The following GPC5 variants were observed in gnomAD, a reference collection of about 807,000 sequenced individuals.
The protein encoded by GPC5 is glypican 5.
GPC5 carries 47 observed loss-of-function variants against 53.9 expected under a neutral mutation model. The ratio of observed to expected loss-of-function variants is 0.87; its 90% confidence interval spans 0.69 to 1.11. The LOEUF is 1.11. Among genes scored for constraint, GPC5 ranks in the 50% most tolerant of loss-of-function variants. The probability of loss-of-function intolerance (pLI) is 0.00; values close to 1 mark genes in which losing one functional copy is unlikely to be tolerated. For missense variants in GPC5, 748 were observed against 713.1 expected (o/e 1.05, Z -0.56); for synonymous variants, 286 against 263.3 (o/e 1.09, Z -0.84).
intron 2 of GPC5, among the ~76,000 whole-genome samples, chr13:91,625,824 G>A (rs1301599004): frequency 6.6e-6 from 1 of 152,036 alleles, no homozygotes; most frequent in Non-Finnish European, 1.5e-5. Context: ...ATTGAAAATA[G>A]TAACATATTG....
intron 6 of GPC5, among the ~76,000 whole-genome samples, chr13:92,008,156 G>T (rs2040625638): frequency 6.8e-6 from 1 of 146,208 alleles, no homozygotes; most frequent in African/African-American, 2.5e-5. Context: ...TCCGCCTCCC[G>T]GGTTCACGCC....
At chr13:92,577,144 A>T (rs1883212136) in intron 7 of GPC5, among the ~76,000 whole-genome samples, 1 of 152,124 alleles carries the variant, frequency 6.6e-6, no homozygotes, top group South Asian at 2.1e-4. Context: ...TGGGTATATT[A>T]TATTCAAATC....
At chr13:92,009,253 C>CGTGT (rs3059952) in intron 6 of GPC5, among the ~76,000 whole-genome samples, 40,398 of 139,610 alleles carry the variant, frequency 0.29, 5,955 homozygotes, top group African/African-American at 0.3. Flanking sequence ...GCTGGATTTT[C>CGTGT]GTGTGTGTGT....
At chr13:92,726,724 G>A (rs1324719199) in intron 7 of GPC5, among the ~76,000 whole-genome samples, 2 of 151,530 alleles carry the variant, frequency 1.3e-5, no homozygotes, top group Non-Finnish European at 3.0e-5. Context: ...AAGAGCAAAA[G>A]TTGGATTCTG....
At chr13:91,600,491 T>A (rs1294270656) in intron 2 of GPC5, among the ~76,000 whole-genome samples, 1 of 151,626 alleles carries the variant, frequency 6.6e-6, no homozygotes, top group Non-Finnish European at 1.5e-5. Context: ...AAAAAAAAAA[T>A]GTACATCATA....
intron 2 of GPC5, among the ~76,000 whole-genome samples, chr13:91,535,904 T>A (rs867172927): frequency 3.4e-4 from 52 of 152,226 alleles, no homozygotes; most frequent in African/African-American, 1.2e-3. Context: ...AGTGCTAATA[T>A]AATATTTGTG....
intron 5 of GPC5, among the ~76,000 whole-genome samples, chr13:91,804,660 A>G (rs1260000697): frequency 1.3e-5 from 2 of 152,156 alleles, no homozygotes; most frequent in African/African-American, 2.4e-5. Flanking sequence ...GCTAATTTTA[A>G]TGGGTTTTGA....
chr13:92,538,001 A>C (rs2138997389), intron 7 of GPC5, among the ~76,000 whole-genome samples: 1 of 152,248 alleles, frequency 6.6e-6, no homozygotes, highest in East Asian at 1.9e-4. Flanking sequence ...TTTCATGTTA[A>C]GAAGCTTAAA....
intron 6 of GPC5, among the ~76,000 whole-genome samples, chr13:92,039,535 A>G (rs746455161): frequency 6.6e-6 from 1 of 152,242 alleles, no homozygotes; most frequent in Non-Finnish European, 1.5e-5. Context: ...AAGAAAATCT[A>G]CTAAGTTTCA....
At chr13:92,026,158 T>C (rs530294411) in intron 6 of GPC5, among the ~76,000 whole-genome samples, 1 of 152,246 alleles carries the variant, frequency 6.6e-6, no homozygotes, top group East Asian at 1.9e-4. Flanking sequence ...GTGTTCTAAA[T>C]CCTTGTTTTT....
At chr13:91,480,226 A>G (rs1332774115) in intron 2 of GPC5, among the ~76,000 whole-genome samples, 1 of 152,228 alleles carries the variant, frequency 6.6e-6, no homozygotes, top group Non-Finnish European at 1.5e-5. Flanking sequence ...AAATATAAAC[A>G]CGTCTTCATT....
chr13:91,464,145 C>T (rs1882098274), intron 2 of GPC5, among the ~76,000 whole-genome samples: 3 of 152,026 alleles, frequency 2.0e-5, no homozygotes, highest in African/African-American at 7.2e-5. Flanking sequence ...CAACATCTAG[C>T]TTTCCTGGAA....
intron 5 of GPC5, among the ~76,000 whole-genome samples, chr13:91,900,460 G>T (rs2039486481): frequency 6.6e-6 from 1 of 151,956 alleles, no homozygotes; most frequent in Non-Finnish European, 1.5e-5. Context: ...TGCATTCCTG[G>T]AAAAGGCAAG....
intron 7 of GPC5, among the ~76,000 whole-genome samples, chr13:92,266,298 A>T (rs1449725103): frequency 6.6e-6 from 1 of 152,070 alleles, no homozygotes; most frequent in Non-Finnish European, 1.5e-5. Context: ...TTTATTTCTT[A>T]GATTTTTAGA....
intron 5 of GPC5, among the ~76,000 whole-genome samples, chr13:91,760,062 G>A (rs1047384326): frequency 1.6e-4 from 24 of 151,866 alleles, no homozygotes; most frequent in East Asian, 3.9e-4. Flanking sequence ...ATGAAAACAG[G>A]TGTTAAAGTG....
At chr13:91,964,398 ATACAGAGTGCTGATTGGTCTGTTT>A (rs538724240) in intron 6 of GPC5, among the ~76,000 whole-genome samples, 102 of 152,252 alleles carry the variant, frequency 6.7e-4, no homozygotes, top group Admixed American at 3.9e-3. Flanking sequence ...TTGGTCCATT[ATACAGAGTGCTGATTGGTCTGTTT>A]TACAGAGTGC....
At chr13:91,894,913 A>G (rs1488952053) in intron 5 of GPC5, among the ~76,000 whole-genome samples, 2 of 152,184 alleles carry the variant, frequency 1.3e-5, no homozygotes, top group Admixed American at 1.3e-4. Context: ...TGCAGAAACT[A>G]GAGTACTGAA....
chr13:91,526,889 C>T (rs1886112047), intron 2 of GPC5, among the ~76,000 whole-genome samples: 1 of 152,276 alleles, frequency 6.6e-6, no homozygotes. Flanking sequence ...GAAATTGACA[C>T]TTTTAAATCA....
rs530627994 is a variant in GPC5, at chr13:92,298,421, G to A, written c.1561+153432G>A. Among the ~76,000 whole-genome samples, 6 of 152,192 alleles carry A rather than the reference G, an allele frequency of 3.9e-5. No individual in the cohort carries two copies. In the South Asian group the frequency reaches 1.2e-3, roughly 32 times the overall value. On this transcript the variant is annotated intron_variant, in intron 7 of 7. Coordinates refer to ENST00000377067, the MANE Select transcript of GPC5 (RefSeq NM_004466.6). ...CTGTGGACTTTTCCCAGTGCCTCTG[G>A]CCACCTTCTAGAAGGACCCCTGTGA...
Sources: gnomAD v4.1 joint callset for allele counts (sites outside exome capture counted in the v4.1 genomes callset) on GRCh38, gnomAD v4.1.1 for gene constraint, MANE v1.5 for transcripts, NCBI Gene and HGNC (gene_info 2026-07-23, HGNC 2026-07-21) for gene names.